The following LINGO1 variants were observed in gnomAD, a reference collection of about 807,000 sequenced individuals.
LINGO1 encodes leucine-rich repeat and immunoglobulin-like domain-containing nogo receptor-interacting protein 1.
LINGO1 carries 11 observed loss-of-function variants against 37.3 expected under a neutral mutation model. The ratio of observed to expected loss-of-function variants is 0.29; its 90% confidence interval spans 0.19 to 0.49. The LOEUF (loss-of-function observed/expected upper bound fraction) is 0.49, where lower values mean the gene tolerates loss of function less well. LINGO1 is among the 20% of genes least tolerant of loss of function. The pLI is 0.99. For missense variants in LINGO1, 585 were observed against 878.2 expected, an observed-to-expected ratio of 0.67 and a Z score of 4.22; for synonymous variants, 387 against 403.0, an observed-to-expected ratio of 0.96 and a Z score of 0.48.
intron 3 of LINGO1, chr15:77,646,508 T>A: frequency 2.2e-6 from 1 of 452,702 alleles, no homozygotes; most frequent in Non-Finnish European, 4.4e-6. Flanking sequence ...GCACCCCAAA[T>A]ACGGTAAGTC....
chr15:77,706,059 G>A (rs2141283995), intron 2 of LINGO1, among the ~76,000 whole-genome samples: 1 of 152,258 alleles, frequency 6.6e-6, no homozygotes, highest in South Asian at 2.1e-4. Context: ...CTGTAAGATG[G>A]GGATAATAAC....
chr15:77,660,011 G>A (rs1455038063), intron 3 of LINGO1: 1 of 151,970 alleles, frequency 6.6e-6, no homozygotes, highest in Non-Finnish European at 1.5e-5. Context: ...GTCCTTGTTA[G>A]AATGCAATAA....
chr15:77,672,368 T>G (rs2075265778), intron 3 of LINGO1, among the ~76,000 whole-genome samples: 1 of 151,728 alleles, frequency 6.6e-6, no homozygotes, highest in Admixed American at 6.6e-5. Context: ...CCTGCAGAGG[T>G]GTTAACTGAT....
At chr15:77,711,882 GA>G (rs1303036209) in intron 2 of LINGO1, among the ~76,000 whole-genome samples, 1 of 123,514 alleles carries the variant, frequency 8.1e-6, no homozygotes, top group Non-Finnish European at 1.9e-5. Context: ...TCTCTCCTCT[GA>G]GGGGGGGGCA....
chr15:77,652,530 G>GTGTT lies in LINGO1; in HGVS notation c.-13+24558_-13+24559insAACA, dbSNP rs1461851046. On this transcript the variant is annotated intron_variant, in intron 3 of 3. Transcript: ENST00000559893. The stretch of plus-strand genomic sequence containing the variant: ...TGTGTGTGTGTGTGTGTGTGTGTGT[G>GTGTT]TTGCCAGAATACGGAAATCACATTT... Among the ~76,000 whole-genome samples, 739 of 144,870 alleles carry GTGTT rather than the reference G, an allele frequency of 5.1e-3. 11 individuals are homozygous for GTGTT. The highest frequency in any genetic ancestry group is 0.017 in the African/African-American group (640 of 36,992).
intron 1 of LINGO1, among the ~76,000 whole-genome samples, chr15:77,807,664 A>C (rs954076470): frequency 8.5e-5 from 13 of 152,190 alleles, no homozygotes; most frequent in African/African-American, 2.9e-4. Context: ...GTTAGAGTCA[A>C]AACAGGGGGA....
At chr15:77,744,092 T>C (rs968982974) in intron 1 of LINGO1, among the ~76,000 whole-genome samples, 1 of 152,126 alleles carries the variant, frequency 6.6e-6, no homozygotes, top group African/African-American at 2.4e-5. Flanking sequence ...CCTCAACCTC[T>C]CCCCAAACGA....
chr15:77,680,133 G>C (rs1308953776), intron 2 of LINGO1, among the ~76,000 whole-genome samples: 6 of 152,204 alleles, frequency 3.9e-5, no homozygotes, highest in African/African-American at 1.4e-4. Flanking sequence ...TCTCTTCTCT[G>C]CCATGGTGAC....
upstream of LINGO1, among the ~76,000 whole-genome samples, chr15:77,791,318 CCACAAG>C (rs139325500): frequency 2.7e-3 from 414 of 152,218 alleles, 3 homozygotes; most frequent in African/African-American, 9.3e-3. Context: ...GGATAGCTCA[CCACAAG>C]CCATGAGGCC....
At chr15:77,651,321 C>A (rs2074754019) in intron 3 of LINGO1, 1 of 152,240 alleles carries the variant, frequency 6.6e-6, no homozygotes, top group Non-Finnish European at 1.5e-5. Flanking sequence ...CATCCTCTTT[C>A]TGAAAATTTG....
At chr15:77,714,668 G>GGCACT (rs1172126784) in intron 2 of LINGO1, among the ~76,000 whole-genome samples, 2 of 152,226 alleles carry the variant, frequency 1.3e-5, no homozygotes, top group Non-Finnish European at 2.9e-5. Context: ...GAGCGTGGCA[G>GGCACT]GCACTCAGTA....
intron 3 of LINGO1, among the ~76,000 whole-genome samples, chr15:77,676,658 C>A (rs1374132074): frequency 2.0e-5 from 3 of 152,172 alleles, no homozygotes; most frequent in African/African-American, 7.2e-5. Flanking sequence ...CTGCACTGGG[C>A]AGCGGCGGTG....
chr15:77,771,907 T>C (rs2076589617), intron 1 of LINGO1, among the ~76,000 whole-genome samples: 1 of 152,192 alleles, frequency 6.6e-6, no homozygotes, highest in South Asian at 2.1e-4. Context: ...TCAATGGCCC[T>C]GAGTTTCTCC....
At chr15:77,619,347 C>T (rs1398450609) in intron 1 of LINGO1, among the ~76,000 whole-genome samples, 2 of 152,150 alleles carry the variant, frequency 1.3e-5, no homozygotes, top group Non-Finnish European at 2.9e-5. Flanking sequence ...ATCAGGCCCA[C>T]TGAGCAATGA....
At chr15:77,766,942 G>A (rs1378114912) in intron 1 of LINGO1, among the ~76,000 whole-genome samples, 1 of 16,324 alleles carries the variant, frequency 6.1e-5, no homozygotes, top group Non-Finnish European at 2.2e-4. Flanking sequence ...CCCAGAAAGA[G>A]GAGAAGATTT....
At chr15:77,773,587 G>A (rs979972297) in intron 1 of LINGO1, among the ~76,000 whole-genome samples, 6 of 152,050 alleles carry the variant, frequency 3.9e-5, no homozygotes, top group African/African-American at 1.4e-4. Flanking sequence ...CTCCACACAG[G>A]AAGGCAGGTA....
chr15:77,637,325 G>C (rs545968528), upstream of LINGO1, among the ~76,000 whole-genome samples: 2 of 152,220 alleles, frequency 1.3e-5, no homozygotes, highest in African/African-American at 4.8e-5. The surrounding 1 kb of genome is among the most constrained non-coding windows in gnomAD (Gnocchi z 4.6). Context: ...GCCCACCCCC[G>C]TTAACTGGGG....
Position 77,632,246 on chromosome 15 carries a change from G to T in LINGO1, c.6+64C>A. ...GGAGGGCGCAGCCAGGGCCGATGGC[G>T]GCCCCCAGGGGCACTCGCCGCGGGG... On this transcript the variant is annotated intron_variant, in intron 1 of 1. Transcript: ENST00000355300. The surrounding 1 kb of genome is among the most constrained non-coding windows in gnomAD (Gnocchi z 6.0). The T allele has an allele frequency of 7.6e-7, 1 of 1,317,138 alleles. No homozygotes were observed. The highest frequency in any genetic ancestry group is 9.6e-7 in the Non-Finnish European group (1 of 1,038,278). 81.6% of individuals were successfully genotyped at this position (1,317,138 alleles called of 1,614,324 possible).
intron 3 of LINGO1, among the ~76,000 whole-genome samples, chr15:77,641,343 T>A (rs1216120578): frequency 6.6e-6 from 1 of 152,144 alleles, no homozygotes; most frequent in East Asian, 1.9e-4. Flanking sequence ...GTTTGAACCA[T>A]AACGGTGCAT....
Sources: allele counts gnomAD v4.1 joint callset (sites outside exome capture counted in the v4.1 genomes callset), GRCh38; gene constraint gnomAD v4.1.1; non-coding constraint Gnocchi (gnomAD v3.1); transcripts MANE v1.5; gene names NCBI Gene and HGNC (gene_info 2026-07-23, HGNC 2026-07-21).